FCHSD2: variants seen among roughly 807,000 people sequenced by gnomAD.
FCHSD2 encodes the protein FCH and double SH3 domains 2.
A neutral mutation model predicts 108.1 loss-of-function variants in FCHSD2; 38 were observed. That is an observed-to-expected ratio of 0.35 (90% confidence interval 0.27 to 0.46). FCHSD2 has a LOEUF of 0.46. FCHSD2 is among the 20% of genes least tolerant of loss of function. FCHSD2 has a pLI of 1.00. For synonymous variants in FCHSD2, 279 were observed against 314.7 expected, an observed-to-expected ratio of 0.89 and a Z score of 1.20; for missense variants, 751 against 897.8, an observed-to-expected ratio of 0.84 and a Z score of 2.09.
chr11:72,991,214 CAATT>C (rs1293227786), intron 5 of FCHSD2, among the ~76,000 whole-genome samples: 17 of 152,044 alleles, frequency 1.1e-4, no homozygotes, highest in Admixed American at 9.8e-4. Flanking sequence ...ATTGAGGCAA[CAATT>C]AATAGCTTAC....
At chr11:73,030,841 C>G (rs1858342408) in intron 3 of FCHSD2, among the ~76,000 whole-genome samples, 1 of 152,046 alleles carries the variant, frequency 6.6e-6, no homozygotes, top group African/African-American at 2.4e-5. Flanking sequence ...GCACCTAAAG[C>G]CTACTCTTTC....
chr11:72,910,000 C>T (rs1855725218), intron 9 of FCHSD2, among the ~76,000 whole-genome samples: 1 of 146,420 alleles, frequency 6.8e-6, no homozygotes, highest in Admixed American at 6.8e-5. Context: ...CCGGCCGCCC[C>T]ATCTAGGAAG....
At chr11:72,870,508 T>C (rs368008403) in intron 12 of FCHSD2, among the ~76,000 whole-genome samples, 29 of 152,240 alleles carry the variant, frequency 1.9e-4, no homozygotes, top group East Asian at 5.8e-4. Flanking sequence ...TTCAATGATA[T>C]TGAGTTATAA....
intron 3 of FCHSD2, among the ~76,000 whole-genome samples, chr11:73,039,395 G>A (rs1225887165): frequency 6.6e-6 from 1 of 152,026 alleles, no homozygotes; most frequent in African/African-American, 2.4e-5. Flanking sequence ...GGGCGTGCCT[G>A]TAGTCCTAGC....
At chr11:72,850,746 T>C (rs552102071) in intron 13 of FCHSD2, among the ~76,000 whole-genome samples, 3 of 152,082 alleles carry the variant, frequency 2.0e-5, no homozygotes, top group Admixed American at 6.6e-5. Context: ...TGTTAAGTAC[T>C]GACTGACAAG....
chr11:72,996,242 T>C (rs963609281), intron 5 of FCHSD2, among the ~76,000 whole-genome samples: 9 of 152,232 alleles, frequency 5.9e-5, no homozygotes, highest in African/African-American at 1.9e-4. Context: ...ACTACCTAAG[T>C]CTCTTTAACA....
At chr11:73,067,955 A>G (rs1859336280) in intron 3 of FCHSD2, among the ~76,000 whole-genome samples, 3 of 152,174 alleles carry the variant, frequency 2.0e-5, no homozygotes, top group Non-Finnish European at 2.9e-5. Context: ...ATCATGGCAG[A>G]AGGCTAAAGC....
At chr11:72,954,795 T>C (rs1856682067) in intron 8 of FCHSD2, among the ~76,000 whole-genome samples, 1 of 151,742 alleles carries the variant, frequency 6.6e-6, no homozygotes. Context: ...CATACAAACA[T>C]AGAAAGGGGG....
At chr11:72,875,871 T>C (rs996591159) in intron 12 of FCHSD2, among the ~76,000 whole-genome samples, 1 of 152,346 alleles carries the variant, frequency 6.6e-6, no homozygotes, top group Non-Finnish European at 1.5e-5. Context: ...TCTTGAAATA[T>C]GCTGCCACCA....
At chr11:72,872,108 G>A (rs966970273) in intron 12 of FCHSD2, among the ~76,000 whole-genome samples, 1 of 151,716 alleles carries the variant, frequency 6.6e-6, no homozygotes, top group East Asian at 1.9e-4. Flanking sequence ...ATGGTTTGGG[G>A]TATCATATAC....
At chr11:73,011,171 T>C (rs1229825041) in intron 4 of FCHSD2, among the ~76,000 whole-genome samples, 1 of 152,118 alleles carries the variant, frequency 6.6e-6, no homozygotes, top group Non-Finnish European at 1.5e-5. Context: ...AGTAGGGATA[T>C]GAAGTCAGGC....
At chr11:73,102,007 C>T (rs1257868122) in intron 2 of FCHSD2, among the ~76,000 whole-genome samples, 1 of 152,172 alleles carries the variant, frequency 6.6e-6, no homozygotes, top group Non-Finnish European at 1.5e-5. Context: ...CAGATAAAAT[C>T]CAATGCTACA....
At chr11:72,869,106 C>T (rs1156655840) in intron 12 of FCHSD2, among the ~76,000 whole-genome samples, 1 of 151,926 alleles carries the variant, frequency 6.6e-6, no homozygotes, top group Non-Finnish European at 1.5e-5. Flanking sequence ...GGGGTTTTGC[C>T]AAGTTGGCCA....
chr11:72,874,538 A>G (rs930124752), intron 12 of FCHSD2, among the ~76,000 whole-genome samples: 2 of 152,230 alleles, frequency 1.3e-5, no homozygotes, highest in Non-Finnish European at 2.9e-5. Context: ...TTGTTTTTTA[A>G]AAGAGTGAAC....
rs527349596 is a variant in FCHSD2, at chr11:72,992,673, A to C, written c.388-3576T>G. 4.1e-3 allele frequency among the ~76,000 whole-genome samples: 620 copies of C among 152,348 alleles called. 2 individuals carry two copies. Among genetic ancestry groups the C allele is most frequent in the African/African-American group, 0.014 (589 of 41,578 alleles). On this transcript the variant is annotated intron_variant, in intron 5 of 19. Transcript: ENST00000409418. The stretch of plus-strand genomic sequence containing the variant: ...GAAATGGGGAAACGATTCCCTATTT[A>C]ATAAATGGTGCTGGGAATACTGGCT...
At chr11:72,990,960 A>G (rs1403880950) in intron 5 of FCHSD2, among the ~76,000 whole-genome samples, 1 of 152,164 alleles carries the variant, frequency 6.6e-6, no homozygotes, top group Non-Finnish European at 1.5e-5. Flanking sequence ...TTGATAGACT[A>G]CTAGCAAGAC....
chr11:73,110,487 T>C (rs1591561599), intron 2 of FCHSD2, among the ~76,000 whole-genome samples: 2 of 152,308 alleles, frequency 1.3e-5, no homozygotes, highest in South Asian at 2.1e-4. Context: ...TAGTTGTTCA[T>C]AGTACCCATG....
chr11:73,088,480 T>A (rs1225178999), intron 2 of FCHSD2, among the ~76,000 whole-genome samples: 1 of 152,180 alleles, frequency 6.6e-6, no homozygotes, highest in African/African-American at 2.4e-5. Flanking sequence ...TGCGTTTGTG[T>A]GTGTGTACTA....
intron 3 of FCHSD2, among the ~76,000 whole-genome samples, chr11:73,059,498 A>G (rs924655023): frequency 1.3e-5 from 2 of 152,150 alleles, no homozygotes; most frequent in Non-Finnish European, 2.9e-5. Context: ...ACTATCCCTA[A>G]AAACGAGGAA....
Sources: allele counts gnomAD v4.1 joint callset (sites outside exome capture counted in the v4.1 genomes callset), GRCh38; gene constraint gnomAD v4.1.1; transcripts MANE v1.5; gene names NCBI Gene and HGNC (gene_info 2026-07-23, HGNC 2026-07-21).